Variants in ADAMTS16 observed in about 807,000 individuals in gnomAD.
The protein encoded by ADAMTS16 is A disintegrin and metalloproteinase with thrombospondin motifs 16.
In ADAMTS16, 94 loss-of-function variants were observed where a neutral mutation model predicts 145.8. The ratio of observed to expected loss-of-function variants is 0.64; its 90% CI spans 0.55 to 0.77. The LOEUF (loss-of-function observed/expected upper bound fraction) is 0.77, where lower values mean the gene tolerates loss of function less well. Among genes scored for constraint, ADAMTS16 ranks in the 30% least tolerant of loss-of-function variants. The pLI is 0.00. For missense variants in ADAMTS16, 1,585 were observed against 1,591.5 expected (o/e 1.00, Z 0.07); for synonymous variants, 659 against 604.3 (o/e 1.09, Z -1.33).
chr5:5,233,273 G>T (rs1241903877), intron 12 of ADAMTS16, among the ~76,000 whole-genome samples: 1 of 152,208 alleles, frequency 6.6e-6, no homozygotes, highest in Non-Finnish European at 1.5e-5. Flanking sequence ...TCTGTAAGAA[G>T]TAAGAATGAA....
rs530239866 is a variant in ADAMTS16, at chr5:5,197,377, C to T, written c.1314-2755C>T. On this transcript the variant is annotated intron_variant, in intron 8 of 22. Transcript: ENST00000274181. ...TTCAATTTAATCTGAAATTAGATTT[C>T]CGTCTGGGTATTTGAGTTAGTGTTA... Among the ~76,000 whole-genome samples, 5 of 152,218 alleles carry T rather than the reference C, an allele frequency of 3.3e-5. No individual in the cohort carries two copies. In the East Asian group the frequency reaches 5.8e-4, roughly 18 times the overall value.
chr5:5,306,062 C>T (rs1740140866), intron 20 of ADAMTS16, among the ~76,000 whole-genome samples: 1 of 152,230 alleles, frequency 6.6e-6, no homozygotes, highest in African/African-American at 2.4e-5. Context: ...ACTCAGATGC[C>T]TAGGGAAGAT....
chr5:5,264,540 C>T (rs1738163795), intron 18 of ADAMTS16, among the ~76,000 whole-genome samples: 1 of 152,160 alleles, frequency 6.6e-6, no homozygotes, highest in South Asian at 2.1e-4. Context: ...GAGGCACCGT[C>T]TCTTTTTGTA....
chr5:5,250,903 G>A (rs888595765), intron 17 of ADAMTS16, among the ~76,000 whole-genome samples: 2 of 152,032 alleles, frequency 1.3e-5, no homozygotes, highest in Non-Finnish European at 2.9e-5. Flanking sequence ...CCCTCCATTC[G>A]TCCCTTTAGG....
chr5:5,266,835 C>T (rs1738255852), intron 18 of ADAMTS16, among the ~76,000 whole-genome samples: 1 of 152,196 alleles, frequency 6.6e-6, no homozygotes, highest in African/African-American at 2.4e-5. Context: ...TCATCTCACC[C>T]TGTTTTAAAT....
intron 5 of ADAMTS16, among the ~76,000 whole-genome samples, chr5:5,186,663 G>T (rs1579296747): frequency 6.6e-6 from 1 of 152,132 alleles, no homozygotes; most frequent in Non-Finnish European, 1.5e-5. Context: ...ATGTTCAAAT[G>T]CTAAATATAA....
rs114106826 is a variant in ADAMTS16 at position 5,188,324 on chromosome 5, C to T, written c.1047+516C>T. Among the ~76,000 whole-genome samples the T allele has an allele frequency of 3.2e-3, 489 of 152,262 alleles. 2 individuals carry two copies. Among genetic ancestry groups the T allele is most frequent in the African/African-American group, 0.011 (451 of 41,556 alleles). ...ATTGAGATTTCTATGGACTTTCAAGCGCATTTCCCTCACTGCATGCAAAAA... is the reference window on the plus strand; with the variant it reads ...ATTGAGATTTCTATGGACTTTCAAGTGCATTTCCCTCACTGCATGCAAAAA... On this transcript the variant is annotated intron_variant, in intron 6 of 22. Transcript: ENST00000274181.
chr5:5,236,788 TA>T (rs1737121982), intron 13 of ADAMTS16, among the ~76,000 whole-genome samples, 180 bp from the exon 14 acceptor site: 1 of 40,494 alleles, frequency 2.5e-5, no homozygotes, highest in Non-Finnish European at 5.0e-5. Flanking sequence ...AAGCAATAAA[TA>T]AATTTAAAGA....
chr5:5,281,779 T>A (rs1285259342), intron 18 of ADAMTS16, among the ~76,000 whole-genome samples: 1 of 152,242 alleles, frequency 6.6e-6, no homozygotes, highest in Non-Finnish European at 1.5e-5. Flanking sequence ...AGGCAATGAA[T>A]GTAAATGACT....
chr5:5,240,986 GGAA>G (rs1737271974), intron 16 of ADAMTS16, among the ~76,000 whole-genome samples: 1 of 152,176 alleles, frequency 6.6e-6, no homozygotes, highest in South Asian at 2.1e-4. Flanking sequence ...TGTTCTCCAC[GGAA>G]GAAGAGTTGC....
chr5:5,241,418 C>T (rs2964430), intron 16 of ADAMTS16, among the ~76,000 whole-genome samples: 33,843 of 152,134 alleles, frequency 0.22, 4,013 homozygotes, highest in Middle Eastern at 0.33. Context: ...CCTTTTCCTG[C>T]GGACTTAATG....
rs77311781 is a variant in ADAMTS16, at chr5:5,153,216, T to C, written c.501+6761T>C. Among the ~76,000 whole-genome samples, 398 of 152,354 alleles carry C rather than the reference T, an allele frequency of 2.6e-3. 2 individuals are homozygous for C. Among genetic ancestry groups the C allele is most frequent in the African/African-American group, 8.9e-3 (371 of 41,584 alleles). On this transcript the variant is annotated intron_variant, in intron 3 of 22. Coordinates refer to ENST00000274181, the MANE Select transcript of ADAMTS16 (RefSeq NM_139056.4). ...CTCAGCATCTAATGCTGTTTGAGCT[T>C]AGTGACCACATTTGCAGTTTGTAAT... is the stretch of plus-strand genomic sequence containing the variant.
chr5:5,211,487 TTCAAAAGCA>T (rs1560950793), intron 10 of ADAMTS16, among the ~76,000 whole-genome samples: 2 of 152,178 alleles, frequency 1.3e-5, no homozygotes. Context: ...TATTAATCCT[TTCAAAAGCA>T]TCAATATTGG....
At chr5:5,173,109 C>A (rs1005037767) in intron 3 of ADAMTS16, among the ~76,000 whole-genome samples, 1 of 150,618 alleles carries the variant, frequency 6.6e-6, no homozygotes, top group Admixed American at 6.6e-5. Context: ...TATTTTTATT[C>A]CTTTATTTTT....
At chr5:5,230,690 A>G (rs1211875718) in intron 11 of ADAMTS16, among the ~76,000 whole-genome samples, 3 of 152,238 alleles carry the variant, frequency 2.0e-5, no homozygotes, top group African/African-American at 7.2e-5. Flanking sequence ...AGCTATTACC[A>G]TGTCAATACG....
intron 2 of ADAMTS16, among the ~76,000 whole-genome samples, chr5:5,143,294 C>A (rs1208446630): frequency 1.3e-5 from 2 of 152,014 alleles, no homozygotes; most frequent in Non-Finnish European, 2.9e-5. Flanking sequence ...AAAAAACAAA[C>A]AACCCCATCA....
chr5:5,299,529 G>T (rs1176540892), intron 18 of ADAMTS16, among the ~76,000 whole-genome samples: 1 of 152,080 alleles, frequency 6.6e-6, no homozygotes, highest in East Asian at 1.9e-4. Context: ...TTTTTTAATG[G>T]GGAAGAGGGA....
At position 5,209,702 on chromosome 5, in the gene ADAMTS16, G is replaced by A. The variant is rs147996364; in HGVS notation, c.1605+456G>A. Among the ~76,000 whole-genome samples, 470 of 152,158 alleles carry A rather than the reference G, an allele frequency of 3.1e-3. 5 individuals carry two copies. The highest frequency in any genetic ancestry group is 0.011 in the African/African-American group (457 of 41,510). On this transcript the variant is annotated intron_variant, in intron 10 of 22. Transcript: ENST00000274181. ...GGTATTTATAGAGTTGTCTCTCATA[G>A]AAGGTAATACCTACTCCGTCAACCC...
intron 3 of ADAMTS16, 111 bp downstream of exon 3, chr5:5,146,566 C>A: frequency 8.7e-7 from 1 of 1,155,632 alleles, no homozygotes; most frequent in Non-Finnish European, 1.2e-6. Flanking sequence ...AGTACTGCAG[C>A]GCAGATTAAG....
Sources: gnomAD v4.1 joint callset for allele counts (sites outside exome capture counted in the v4.1 genomes callset) on GRCh38, gnomAD v4.1.1 for gene constraint, MANE v1.5 for transcripts, NCBI Gene and HGNC (gene_info 2026-07-23, HGNC 2026-07-21) for gene names.